The following HHIPL1 variants were observed in gnomAD, a reference collection of about 807,000 sequenced individuals.
HHIPL1 encodes the protein HHIP-like protein 1.
In HHIPL1, 43 loss-of-function variants were observed where a neutral mutation model predicts 61.8. That is an observed-to-expected ratio of 0.70 (90% CI 0.55 to 0.90). HHIPL1 has a LOEUF of 0.90. Ranked by LOEUF, HHIPL1 falls within the 40% of genes least tolerant of loss-of-function variation. HHIPL1 has a pLI of 0.00. For missense variants in HHIPL1, 1,056 were observed against 1,157.7 expected (o/e 0.91, Z 1.28); for synonymous variants, 482 against 515.8 (o/e 0.93, Z 0.89).
In HHIPL1 at chr14:99,660,144, G is replaced by A. The variant is rs1297720553; in HGVS notation, c.1376-136G>A. ...TTTCCACCACGCCAGCCCTGCTGTGGGCACGCCAGCCCTGCTGTGGGCACG... is the reference window on the plus strand; with the variant it reads ...TTTCCACCACGCCAGCCCTGCTGTGAGCACGCCAGCCCTGCTGTGGGCACG... On this transcript the variant is annotated intron_variant, in intron 4 of 8. Transcript: ENST00000330710. The surrounding 1 kb of genome is among the most constrained non-coding windows in gnomAD (Gnocchi z 4.9). 1 of 721,358 alleles carries A rather than the reference G, an allele frequency of 1.4e-6. No homozygotes were observed. The highest frequency in any genetic ancestry group is 2.2e-5 in the African/African-American group (1 of 45,600). 44.7% of individuals were successfully genotyped at this position (721,358 alleles called of 1,614,324 possible).
chr14:99,615,811 G>A, the HHIPL1 span, among the ~76,000 whole-genome samples: 50 of 152,292 alleles, frequency 3.3e-4, no homozygotes, highest in South Asian at 8.9e-3. Context: ...AGCAATCAGC[G>A]CAGATTTGAA....
chr14:99,637,058 G>A, the HHIPL1 span, among the ~76,000 whole-genome samples: 38 of 73,648 alleles, frequency 5.2e-4, no homozygotes, highest in East Asian at 6.1e-3. Context: ...AAGGAAGGAA[G>A]GAAAAAAGAA....
the HHIPL1 span, among the ~76,000 whole-genome samples, chr14:99,610,850 A>G: frequency 7.2e-5 from 11 of 152,118 alleles, no homozygotes; most frequent in Non-Finnish European, 1.3e-4. Flanking sequence ...TTCTGCCCTC[A>G]TTATGTTGGT....
Position 99,652,736 on chromosome 14 carries a change from C to T in HHIPL1, c.768C>T (p.Phe256=), listed in dbSNP as rs2055958779. 1.2e-6 allele frequency: 2 copies of T among 1,614,076 alleles called. No homozygotes were observed. ...AGCGTGGCTTCCTGGGCATTGCCTTCCACCCCAGCTTCCAGCACAACCGCA... is the reference window on the plus strand; with the variant it reads ...AGCGTGGCTTCCTGGGCATTGCCTTTCACCCCAGCTTCCAGCACAACCGCA... ...GDERGFLGIA[F]HPSFQHNRRL... Residue 256 remains phenylalanine (F), a synonymous_variant, in exon 2 of 9, where the codon TTC becomes TTT. Coordinates refer to ENST00000330710, the MANE Select transcript of HHIPL1 (RefSeq NM_001127258.3).
At chr14:99,637,205 A>G in the HHIPL1 span, among the ~76,000 whole-genome samples, 242 of 48,084 alleles carry the variant, frequency 5.0e-3, 1 homozygote, top group Non-Finnish European at 6.9e-3. Context: ...AGAAAGGAAG[A>G]AAGAAAGAAA....
chr14:99,669,090 T>G (rs950093852), intron 7 of HHIPL1: 8 of 1,425,474 alleles, frequency 5.6e-6, no homozygotes, highest in Non-Finnish European at 6.4e-6. Context: ...TGTCCAGCCC[T>G]TCCTCAGCTC....
At chr14:99,623,199 G>A in the HHIPL1 span, among the ~76,000 whole-genome samples, 1 of 152,216 alleles carries the variant, frequency 6.6e-6, no homozygotes, top group East Asian at 1.9e-4. Context: ...CCTTTTAATG[G>A]TGTGTGTGAT....
chr14:99,617,313 C>T, the HHIPL1 span, among the ~76,000 whole-genome samples: 5 of 152,242 alleles, frequency 3.3e-5, no homozygotes, highest in East Asian at 5.8e-4. Context: ...AACTAAGAAA[C>T]GCATAAATCC....
At position 99,668,144 on chromosome 14, in the gene HHIPL1, G is replaced by T. The variant is rs2056275688; in HGVS notation, c.1649-78G>T. ...TGGGGTCTATTTCCAAGCCTGCAGG[G>T]AGCCGGGTGGTGAGGCGGGGCTGGC... On this transcript the variant is annotated intron_variant, in intron 6 of 8. Coordinates refer to ENST00000330710, the MANE Select transcript of HHIPL1 (RefSeq NM_001127258.3). This position sits in a 1 kb window ranked among gnomAD's most constrained non-coding sequence, Gnocchi z 4.7. 1 of 861,274 alleles carries T rather than the reference G, an allele frequency of 1.2e-6. No homozygotes were observed. The highest frequency in any genetic ancestry group is 1.7e-5 in the Admixed American group (1 of 58,788). 53.4% of individuals were successfully genotyped at this position (861,274 alleles called of 1,614,324 possible).
chr14:99,657,647 G>A (rs1044970613), intron 3 of HHIPL1, among the ~76,000 whole-genome samples: 1 of 152,052 alleles, frequency 6.6e-6, no homozygotes, highest in Admixed American at 6.6e-5. Context: ...CCACTTCCTG[G>A]CTTGAGCAAA....
At chr14:99,638,035 G>T in the HHIPL1 span, among the ~76,000 whole-genome samples, 6 of 152,342 alleles carry the variant, frequency 3.9e-5, no homozygotes, top group Admixed American at 3.3e-4. Flanking sequence ...GTTAGCACGG[G>T]TGAAGTCTGG....
the HHIPL1 span, chr14:99,625,018 A>G: frequency 3.3e-5 from 5 of 152,240 alleles, no homozygotes; most frequent in African/African-American, 1.2e-4. Flanking sequence ...CAACGCTGTC[A>G]TTACAGGAGG....
chr14:99,634,156 T>C, the HHIPL1 span, among the ~76,000 whole-genome samples: 1 of 152,176 alleles, frequency 6.6e-6, no homozygotes, highest in Non-Finnish European at 1.5e-5. Context: ...TCAGAGTGTG[T>C]AGACATGTCT....
At chr14:99,615,193 A>G in the HHIPL1 span, among the ~76,000 whole-genome samples, 1 of 152,302 alleles carries the variant, frequency 6.6e-6, no homozygotes, top group African/African-American at 2.4e-5. Flanking sequence ...TCCAATTAAA[A>G]AAAAATAGAA....
At chr14:99,666,277 G>GAGAAAAACTCAT (rs2056243581) in intron 6 of HHIPL1, among the ~76,000 whole-genome samples, 1 of 152,232 alleles carries the variant, frequency 6.6e-6, no homozygotes, top group African/African-American at 2.4e-5. Flanking sequence ...GCGAAGGTCA[G>GAGAAAAACTCAT]AGAAAAACTT....
intron 3 of HHIPL1, among the ~76,000 whole-genome samples, chr14:99,658,222 A>T (rs2056083747): frequency 6.6e-6 from 1 of 152,226 alleles, no homozygotes; most frequent in South Asian, 2.1e-4. Flanking sequence ...AACAGAAATT[A>T]AGGATTAATG....
At chr14:99,625,252 C>T in the HHIPL1 span, 1 of 152,232 alleles carries the variant, frequency 6.6e-6, no homozygotes, top group Non-Finnish European at 1.5e-5. Flanking sequence ...CCTGAGCAAC[C>T]TCCTCCCATC....
the HHIPL1 span, among the ~76,000 whole-genome samples, chr14:99,633,392 C>T: frequency 2.0e-3 from 303 of 152,294 alleles, 3 homozygotes; most frequent in Admixed American, 0.017. Flanking sequence ...TGGCAGACCC[C>T]CACAGAGGAA....
Position 99,675,917 on chromosome 14 carries a change from G to T in HHIPL1, c.*291G>T. On this transcript the variant is annotated 3_prime_UTR_variant, in exon 9 of 9. Coordinates refer to ENST00000330710, the MANE Select transcript of HHIPL1 (RefSeq NM_001127258.3). This position sits in a 1 kb window ranked among gnomAD's most constrained non-coding sequence, Gnocchi z 5.4. Reference sequence around the variant, plus strand: ...TCAGACACCAGCAGGAACAGCAGCCGGGCTGTGGGACCCTGAGGAGGGAGG... The same window carrying T: ...TCAGACACCAGCAGGAACAGCAGCCTGGCTGTGGGACCCTGAGGAGGGAGG... 2.7e-6 allele frequency: 1 copy of T among 365,798 alleles called. No homozygotes were observed. The allele number at this position is 365,798 out of a possible 1,614,324, so 22.7% of individuals were successfully genotyped here.
Sources: allele counts gnomAD v4.1 joint callset (sites outside exome capture counted in the v4.1 genomes callset), GRCh38; gene constraint gnomAD v4.1.1; non-coding constraint Gnocchi (gnomAD v3.1); transcripts MANE v1.5; gene names NCBI Gene and HGNC (gene_info 2026-07-23, HGNC 2026-07-21).